SF3A1: variants seen among roughly 807,000 people sequenced by gnomAD.
The protein encoded by SF3A1 is SAP 114.
In SF3A1, 13 loss-of-function variants were observed where a neutral mutation model predicts 89.9. The ratio of observed to expected loss-of-function variants is 0.14; its 90% CI spans 0.09 to 0.23. The LOEUF (loss-of-function observed/expected upper bound fraction) is 0.23. Among genes scored for constraint, SF3A1 ranks in the 10% least tolerant of loss-of-function variants. SF3A1 has a pLI of 1.00. For missense variants in SF3A1, 604 were observed against 1,022.1 expected (o/e 0.59, Z 5.58); for synonymous variants, 405 against 374.4 (o/e 1.08, Z -0.94).
At chr22:30,346,662 C>G (rs1931431298) in intron 2 of SF3A1, 143 bp from the exon 3 acceptor site, 1 of 864,340 alleles carries the variant, frequency 1.2e-6, no homozygotes, top group Non-Finnish European at 1.8e-6. Context: ...CCTCTAGCTT[C>G]CTGGCATTGG....
chr22:30,336,362 C>A (rs971027647), intron 13 of SF3A1, among the ~76,000 whole-genome samples: 1 of 152,098 alleles, frequency 6.6e-6, no homozygotes, highest in Non-Finnish European at 1.5e-5. Flanking sequence ...TACTAAAATA[C>A]TAAAAATACA....
chr22:30,348,895 T>G (rs940051727), intron 2 of SF3A1, among the ~76,000 whole-genome samples: 1 of 152,186 alleles, frequency 6.6e-6, no homozygotes, highest in African/African-American at 2.4e-5. Context: ...CTGGGAACAA[T>G]CTGAAAAATA....
chr22:30,336,476 C>T (rs902509818), intron 13 of SF3A1, among the ~76,000 whole-genome samples: 5 of 152,122 alleles, frequency 3.3e-5, no homozygotes, highest in Middle Eastern at 3.2e-3. Flanking sequence ...AAAAACAAAA[C>T]GAAACAATTT....
At chr22:30,344,526 A>G (rs769254836) in intron 4 of SF3A1, among the ~76,000 whole-genome samples, 117 of 152,302 alleles carry the variant, frequency 7.7e-4, no homozygotes, top group Non-Finnish European at 5.9e-5. Flanking sequence ...CTGCTTCTCA[A>G]ACATGGGGGG....
At chr22:30,356,673 G>C in intron 1 of SF3A1, 57 bp downstream of exon 1, 1 of 1,324,526 alleles carries the variant, frequency 7.5e-7, no homozygotes, top group Non-Finnish European at 1.0e-6. Context: ...TCCTGTGCGA[G>C]TAAGGAGCGC....
intron 13 of SF3A1, among the ~76,000 whole-genome samples, chr22:30,336,603 C>T (rs1183308758): frequency 6.6e-6 from 1 of 152,154 alleles, no homozygotes; most frequent in Non-Finnish European, 1.5e-5. Context: ...TTCCAGGACC[C>T]CAACAGGATC....
In SF3A1 at chr22:30,342,532, T is replaced by C. The variant is rs116906158; in HGVS notation, c.727-182A>G. The C allele has an allele frequency of 4.9e-3, 3,380 of 691,612 alleles. 13 individuals are homozygous for C. Among genetic ancestry groups the C allele is most frequent in the Middle Eastern group, 6.9e-3 (17 of 2,468 alleles). The allele number at this position is 691,612 out of a possible 1,614,324, so 42.8% of individuals were successfully genotyped here. A position where few individuals can be genotyped will look rare whatever the true frequency, so the allele number is the denominator to read the frequency against. On this transcript the variant is annotated intron_variant, in intron 5 of 15. Transcript: ENST00000215793. ...TGCAGAGTTGGGACAGAATGAAAAT[T>C]CCACCCTCTGATCTGCTTGGGAGCT...
rs747945871 is a variant in SF3A1, at chr22:30,335,557, G to T, written c.2209-19C>A. ...CAGAGACCTGTGGGATCAAGCAGCG[G>T]TCATTCAACTCCTTGGTAAGGCCAG... On this transcript the variant is annotated intron_variant, in intron 14 of 15. Transcript: ENST00000215793. The T allele has an allele frequency of 1.2e-6, 2 of 1,613,936 alleles. No homozygotes were observed. Among genetic ancestry groups the T allele is most frequent in the Non-Finnish European group, 1.7e-6 (2 of 1,179,794 alleles).
intron 2 of SF3A1, among the ~76,000 whole-genome samples, chr22:30,352,375 A>G (rs1054107546): frequency 7.7e-5 from 10 of 130,612 alleles, no homozygotes; most frequent in South Asian, 2.6e-4. Context: ...GGAACTCGGA[A>G]CAATGCCCAT....
chr22:30,337,580 G>A (rs1601690868), intron 12 of SF3A1, 110 bp downstream of exon 12: 2 of 726,120 alleles, frequency 2.8e-6, no homozygotes, highest in East Asian at 5.4e-5. Flanking sequence ...CCTCTGGGCT[G>A]GATACCCTGC....
intron 2 of SF3A1, among the ~76,000 whole-genome samples, chr22:30,350,471 G>C (rs1030990070): frequency 6.6e-6 from 1 of 152,078 alleles, no homozygotes; most frequent in Non-Finnish European, 1.5e-5. Context: ...GTCAGAACGA[G>C]ACTCTGTCTC....
In SF3A1 at chr22:30,339,126, G is replaced by A. The variant is rs764601932; in HGVS notation, c.1497+4C>T. 28 of 1,613,930 alleles carry A rather than the reference G, an allele frequency of 1.7e-5. No homozygotes were observed. In the South Asian group the frequency reaches 1.8e-4, roughly 10 times the overall value. Reference sequence around the variant, plus strand: ...GAAGGCACTAGGTTCCACTTTAGCCGCACCTTTTCCTCTGGCTTCTGGATC... The same window carrying A: ...GAAGGCACTAGGTTCCACTTTAGCCACACCTTTTCCTCTGGCTTCTGGATC... On this transcript the variant is annotated splice_donor_region_variant and intron_variant, in intron 10 of 15. Coordinates refer to ENST00000215793, the MANE Select transcript of SF3A1 (RefSeq NM_005877.6).
rs1371984429 is a variant in SF3A1, at chr22:30,338,884, G to A, written c.1648C>T (p.Pro550Ser). 6.2e-7 allele frequency: 1 copy of A among 1,614,196 alleles called. No individual in the cohort carries two copies. The highest frequency in any genetic ancestry group is 1.3e-5 in the African/African-American group (1 of 75,046). ...GGTGGCTGTTGAGGGATTTCATTGG[G>A]CTTGCTGGGGCCAATCTTCTCTTTA... The part of the protein sequence containing the change: ...DTKEKIGPSK[P>S]NEIPQQPPPP... Residue 550 changes from proline (P) to serine (S), a missense_variant, in exon 11 of 16, where the codon CCC (proline) becomes TCC (serine). Around this residue, in one of 9 missense-constraint regions of SF3A1, gnomAD observed 85 missense variants for 137.3 expected, o/e 0.62. Coordinates refer to ENST00000215793, the MANE Select transcript of SF3A1 (RefSeq NM_005877.6).
At position 30,336,962 on chromosome 22, in the gene SF3A1, G is replaced by A. The variant is rs112057447; in HGVS notation, c.2106+64C>T. The A allele has an allele frequency of 4.5e-5, 72 of 1,597,008 alleles. No individual in the cohort carries two copies. The African/African-American group carries it at 7.4e-4, about 16-fold the overall frequency. ...GTGAAATAGGGTCAGTTTCGCAAGT[G>A]TACGACAGGGGCGGGACTGAACCCT... On this transcript the variant is annotated intron_variant, in intron 13 of 15. Coordinates refer to ENST00000215793, the MANE Select transcript of SF3A1 (RefSeq NM_005877.6).
chr22:30,353,320 G>C, intron 1 of SF3A1, among the ~76,000 whole-genome samples: 1 of 152,110 alleles, frequency 6.6e-6, no homozygotes, highest in Non-Finnish European at 1.5e-5. Flanking sequence ...AGTGAGACCA[G>C]GAATCTGCAT....
intron 1 of SF3A1, among the ~76,000 whole-genome samples, chr22:30,356,359 G>A (rs1232315871): frequency 1.3e-5 from 2 of 152,382 alleles, no homozygotes; most frequent in African/African-American, 2.4e-5. Flanking sequence ...GAAAGGCTGT[G>A]GCCGGCGGCC....
At chr22:30,338,277 G>A (rs746569505) in intron 11 of SF3A1, among the ~76,000 whole-genome samples, 4 of 152,140 alleles carry the variant, frequency 2.6e-5, no homozygotes, top group African/African-American at 7.2e-5. Context: ...TGACCAACAC[G>A]GAGAAACCTC....
chr22:30,351,160 G>A (rs1221355447), intron 2 of SF3A1, among the ~76,000 whole-genome samples: 2 of 152,188 alleles, frequency 1.3e-5, no homozygotes, highest in South Asian at 2.1e-4. Flanking sequence ...TTACCTGGGC[G>A]TGGTGGCGCA....
intron 7 of SF3A1, among the ~76,000 whole-genome samples, chr22:30,341,275 T>C (rs1426143446): frequency 6.6e-6 from 1 of 152,170 alleles, no homozygotes. Context: ...GGAGACTCCA[T>C]GCCTGCTTAG....
Sources: gnomAD v4.1 joint callset for allele counts (sites outside exome capture counted in the v4.1 genomes callset) on GRCh38, gnomAD v4.1.1 for gene constraint, gnomAD v4.1.1 regional missense constraint, MANE v1.5 for transcripts, NCBI Gene and HGNC (gene_info 2026-07-23, HGNC 2026-07-21) for gene names.